Variants in AHCYL2 observed in about 807,000 individuals in gnomAD.
The protein encoded by AHCYL2 is adenosylhomocysteinase like 2.
A neutral mutation model predicts 81.4 loss-of-function variants in AHCYL2; 28 were observed. The observed-to-expected ratio is 0.34, with a 90% CI of 0.25 to 0.47. AHCYL2 has a LOEUF of 0.47. Ranked by LOEUF, AHCYL2 falls within the 20% of genes least tolerant of loss-of-function variation. AHCYL2 has a pLI of 1.00. For synonymous variants in AHCYL2, 272 were observed against 290.2 expected (o/e 0.94, Z 0.64); for missense variants, 551 against 785.1 (o/e 0.70, Z 3.56).
chr7:129,399,164 AGAG>A (rs1399132933), intron 5 of AHCYL2, among the ~76,000 whole-genome samples: 2 of 122,068 alleles, frequency 1.6e-5, no homozygotes, highest in East Asian at 6.0e-4. Context: ...AAAAAAAAAA[AGAG>A]GCCAGGCGCG....
intron 12 of AHCYL2, among the ~76,000 whole-genome samples, chr7:129,422,505 A>G (rs761588181): frequency 1.3e-5 from 2 of 151,924 alleles, no homozygotes; most frequent in Non-Finnish European, 2.9e-5. Flanking sequence ...CCTCTCACAT[A>G]TATATTGTTT....
At chr7:129,226,272 A>G (rs77829177) in intron 1 of AHCYL2, among the ~76,000 whole-genome samples, 5,100 of 152,294 alleles carry the variant, frequency 0.033, 96 homozygotes, top group Middle Eastern at 0.078. Flanking sequence ...TCAGAATACC[A>G]AGAAGTAACT....
intron 1 of AHCYL2, among the ~76,000 whole-genome samples, chr7:129,267,055 A>G (rs1795833603): frequency 6.6e-6 from 1 of 152,164 alleles, no homozygotes; most frequent in African/African-American, 2.4e-5. Context: ...ATCAGAAATG[A>G]TGTTGCACAA....
chr7:129,419,266 A>G lies in AHCYL2; in HGVS notation c.1462-3574A>G, dbSNP rs879508267. Among the ~76,000 whole-genome samples, 1 of 152,186 alleles carries G rather than the reference A, an allele frequency of 6.6e-6. No individual in the cohort carries two copies. Among genetic ancestry groups the G allele is most frequent in the Non-Finnish European group, 1.5e-5 (1 of 68,030 alleles). ...TATATGTTTGCTTTGTCTTAAAAGC[A>G]GACCTGCAGCCAGGTGTGGTGGCTC... On this transcript the variant is annotated intron_variant, in intron 12 of 16. Transcript: ENST00000325006. This position sits in a 1 kb window ranked among gnomAD's most constrained non-coding sequence, Gnocchi z 4.7.
intron 1 of AHCYL2, among the ~76,000 whole-genome samples, chr7:129,286,124 T>C (rs1401185046): frequency 6.6e-6 from 1 of 152,110 alleles, no homozygotes. Context: ...CTTTGGAGGG[T>C]GAAAATGAAA....
chr7:129,226,648 G>GAT (rs1163331500), intron 1 of AHCYL2, among the ~76,000 whole-genome samples: 3 of 152,192 alleles, frequency 2.0e-5, no homozygotes, highest in African/African-American at 7.2e-5. Context: ...AGGTATAGCG[G>GAT]ATAATCCTTT....
chr7:129,243,662 A>G (rs1794943859), intron 1 of AHCYL2, among the ~76,000 whole-genome samples: 1 of 151,556 alleles, frequency 6.6e-6, no homozygotes, highest in South Asian at 2.1e-4. Flanking sequence ...ACTCACTGCA[A>G]GCTCCACCTC....
At chr7:129,270,121 T>TTAGG (rs1177787901) in intron 1 of AHCYL2, among the ~76,000 whole-genome samples, 10 of 152,198 alleles carry the variant, frequency 6.6e-5, no homozygotes, top group African/African-American at 2.4e-4. Context: ...TAGGAGACTA[T>TTAGG]TAGGTATATC....
intron 1 of AHCYL2, among the ~76,000 whole-genome samples, chr7:129,273,295 T>C (rs558988634): frequency 6.7e-6 from 1 of 148,444 alleles, no homozygotes; most frequent in African/African-American, 2.5e-5. Context: ...ATCTCAGTGA[T>C]GCAACTGTAA....
rs572147861 is a variant in AHCYL2 at position 129,353,659 on chromosome 7, G to A, written c.364-25979G>A. Reference sequence around the variant, plus strand: ...GCCTATAGGAATATCATACAGTGACGCCATCTAGTAGGCCACTGTCTGGAA... The same window carrying A: ...GCCTATAGGAATATCATACAGTGACACCATCTAGTAGGCCACTGTCTGGAA... On this transcript the variant is annotated intron_variant, in intron 1 of 16. Coordinates refer to ENST00000325006, the MANE Select transcript of AHCYL2 (RefSeq NM_015328.4). Among the ~76,000 whole-genome samples, 5 of 147,752 alleles carry A rather than the reference G, an allele frequency of 3.4e-5. No individual in the cohort carries two copies. In the South Asian group the frequency reaches 6.8e-4, roughly 20 times the overall value.
chr7:129,288,058 C>T (rs1796700183), intron 1 of AHCYL2, among the ~76,000 whole-genome samples: 1 of 152,122 alleles, frequency 6.6e-6, no homozygotes, highest in Non-Finnish European at 1.5e-5. Flanking sequence ...TTTTTAATAG[C>T]ATAAAAACCC....
chr7:129,291,933 A>G (rs1407786051), intron 1 of AHCYL2, among the ~76,000 whole-genome samples: 2 of 151,992 alleles, frequency 1.3e-5, no homozygotes, highest in South Asian at 2.1e-4. Flanking sequence ...GATGACAAAT[A>G]TGGCTAAGTT....
chr7:129,420,667 G>A, intron 12 of AHCYL2, among the ~76,000 whole-genome samples: 1 of 138,500 alleles, frequency 7.2e-6, no homozygotes, highest in East Asian at 2.1e-4. Flanking sequence ...TTTTTTTTTT[G>A]TAGAGACAAG....
At chr7:129,327,464 T>TA (rs1296216619) in intron 1 of AHCYL2, among the ~76,000 whole-genome samples, 4 of 152,248 alleles carry the variant, frequency 2.6e-5, no homozygotes, top group African/African-American at 9.6e-5. Flanking sequence ...TAGGAAGTGA[T>TA]AAAGAAGAAA....
intron 8 of AHCYL2, 70 bp from the exon 9 acceptor site, chr7:129,405,766 G>A: frequency 7.3e-7 from 1 of 1,371,274 alleles, no homozygotes; most frequent in Non-Finnish European, 9.9e-7. Context: ...TGAAAACAAA[G>A]AGATTCAATC....
At chr7:129,345,490 A>C (rs1793330454) in intron 1 of AHCYL2, among the ~76,000 whole-genome samples, 1 of 152,174 alleles carries the variant, frequency 6.6e-6, no homozygotes, top group African/African-American at 2.4e-5. Context: ...GCAACATGTA[A>C]CTGCTTGGGC....
intron 1 of AHCYL2, among the ~76,000 whole-genome samples, chr7:129,353,227 G>T (rs1179271639): frequency 6.6e-6 from 1 of 151,940 alleles, no homozygotes; most frequent in African/African-American, 2.4e-5. Flanking sequence ...GGATTACAGG[G>T]GTGAGCCACC....
At chr7:129,255,397 C>T (rs1795379450) in intron 1 of AHCYL2, among the ~76,000 whole-genome samples, 2 of 152,308 alleles carry the variant, frequency 1.3e-5, no homozygotes, top group Admixed American at 6.5e-5. Flanking sequence ...GTACTTGAGT[C>T]TTTGAAATCT....
At chr7:129,254,299 G>C (rs578100457) in intron 1 of AHCYL2, among the ~76,000 whole-genome samples, 1 of 152,240 alleles carries the variant, frequency 6.6e-6, no homozygotes, top group African/African-American at 2.4e-5. Context: ...TGGACAGAAA[G>C]AAGAAAAGGT....
Sources: gnomAD v4.1 joint callset for allele counts (sites outside exome capture counted in the v4.1 genomes callset) on GRCh38, gnomAD v4.1.1 for gene constraint, Gnocchi (gnomAD v3.1) non-coding constraint, MANE v1.5 for transcripts, NCBI Gene and HGNC (gene_info 2026-07-23, HGNC 2026-07-21) for gene names.